Variants in IGF2BP3 observed in about 807,000 individuals in gnomAD.
The protein encoded by IGF2BP3 is insulin-like growth factor 2 mRNA-binding protein 3.
IGF2BP3 carries 9 observed loss-of-function variants against 73.8 expected under a neutral mutation model. The ratio of observed to expected loss-of-function variants is 0.12; its 90% CI spans 0.07 to 0.21. The LOEUF (loss-of-function observed/expected upper bound fraction) is 0.21. Ranked by LOEUF, IGF2BP3 falls within the 10% of genes least tolerant of loss-of-function variation. The probability of loss-of-function intolerance (pLI) is 1.00; values close to 1 mark genes in which losing one functional copy is unlikely to be tolerated. For missense variants in IGF2BP3, 542 were observed against 714.0 expected, an observed-to-expected ratio of 0.76 and a Z score of 2.75; for synonymous variants, 258 against 256.7, an observed-to-expected ratio of 1.01 and a Z score of -0.05.
At chr7:23,449,131 T>C (rs1015105235) in intron 2 of IGF2BP3, among the ~76,000 whole-genome samples, 5 of 146,934 alleles carry the variant, frequency 3.4e-5, no homozygotes, top group Admixed American at 2.7e-4. Context: ...TTTTTTTTTT[T>C]CCAAACTGAC....
intron 3 of IGF2BP3, among the ~76,000 whole-genome samples, chr7:23,376,297 C>A (rs1039921124): frequency 1.3e-5 from 2 of 152,094 alleles, no homozygotes; most frequent in Admixed American, 6.5e-5. Context: ...TGGCTCACGC[C>A]TGTAATCCCA....
chr7:23,422,138 T>A (rs950723423), intron 2 of IGF2BP3, among the ~76,000 whole-genome samples: 5 of 152,150 alleles, frequency 3.3e-5, no homozygotes, highest in African/African-American at 1.2e-4. Context: ...GTTAAGAAAC[T>A]AAGTATTCAC....
In IGF2BP3 at chr7:23,410,689, C is replaced by T. The variant is rs187537995; in HGVS notation, c.285+8087G>A. ...AACTTCCCCAATGAAATTCATTCAT[C>T]ACTCATAACCATACATTACGTCCAG... On this transcript the variant is annotated intron_variant, in intron 3 of 14. Coordinates refer to ENST00000258729, the MANE Select transcript of IGF2BP3 (RefSeq NM_006547.3). 3.0e-3 allele frequency among the ~76,000 whole-genome samples: 460 copies of T among 152,310 alleles called. 4 individuals carry two copies. Among genetic ancestry groups the T allele is most frequent in the Admixed American group, 4.6e-3 (70 of 15,304 alleles).
intron 10 of IGF2BP3, among the ~76,000 whole-genome samples, chr7:23,324,392 A>G (rs1204913018): frequency 1.3e-5 from 2 of 151,650 alleles, no homozygotes; most frequent in African/African-American, 4.9e-5. Context: ...ATCTCTGAAT[A>G]GACCAATAAC....
At chr7:23,440,569 GTAAGCTT>G (rs374570217) in intron 2 of IGF2BP3, among the ~76,000 whole-genome samples, 282 of 152,318 alleles carry the variant, frequency 1.9e-3, no homozygotes, top group African/African-American at 5.7e-3. Flanking sequence ...TTGGAAATGC[GTAAGCTT>G]TAAGAATGTG....
At chr7:23,369,373 T>G (rs986103237) in intron 3 of IGF2BP3, among the ~76,000 whole-genome samples, 1 of 152,164 alleles carries the variant, frequency 6.6e-6, no homozygotes, top group Non-Finnish European at 1.5e-5. Context: ...CATTGTAAGA[T>G]TCAATCAGAT....
chr7:23,355,140 A>G (rs1330625793), intron 5 of IGF2BP3, among the ~76,000 whole-genome samples: 1 of 152,242 alleles, frequency 6.6e-6, no homozygotes, highest in African/African-American at 2.4e-5. Flanking sequence ...ATTATTTGAC[A>G]CATATGTATT....
In IGF2BP3 at chr7:23,460,077, A is replaced by C. The variant is rs910862915; in HGVS notation, c.236+8405T>G. On this transcript the variant is annotated intron_variant, in intron 2 of 14. Coordinates refer to ENST00000258729, the MANE Select transcript of IGF2BP3 (RefSeq NM_006547.3). ...GACATCGTCTCTACTAAAAATTAAA[A>C]AAAAAATTAGCCAGACGAGGAGGCA... Among the ~76,000 whole-genome samples the C allele has an allele frequency of 6.2e-5, 9 of 144,684 alleles. No individual in the cohort carries two copies. The South Asian group carries it at 1.6e-3, about 25-fold the overall frequency. The allele number at this position is 144,684 out of a possible 152,430, so 94.9% of individuals were successfully genotyped here. A position where few individuals can be genotyped will look rare whatever the true frequency, so the allele number is the denominator to read the frequency against.
chr7:23,341,814 C>T (rs1224448547), intron 10 of IGF2BP3, among the ~76,000 whole-genome samples: 1 of 151,534 alleles, frequency 6.6e-6, no homozygotes, highest in Non-Finnish European at 1.5e-5. Context: ...AAAACAATTA[C>T]TAAGTTTCTT....
At chr7:23,443,098 AGT>A (rs1303749465) in intron 2 of IGF2BP3, among the ~76,000 whole-genome samples, 2 of 145,196 alleles carry the variant, frequency 1.4e-5, no homozygotes, top group East Asian at 4.1e-4. Flanking sequence ...TAAACATTAC[AGT>A]GATTTTTTTT....
At chr7:23,368,320 G>GAAA (rs1244266257) in intron 3 of IGF2BP3, among the ~76,000 whole-genome samples, 1 of 78,190 alleles carries the variant, frequency 1.3e-5, no homozygotes, top group African/African-American at 5.2e-5. Context: ...GAAAGAGAGA[G>GAAA]AGAAAGAAAA....
chr7:23,432,504 T>C (rs567663119), intron 2 of IGF2BP3, among the ~76,000 whole-genome samples: 1 of 152,196 alleles, frequency 6.6e-6, no homozygotes, highest in Admixed American at 6.5e-5. Context: ...CATCTTAATG[T>C]AGAATGTCAA....
chr7:23,449,583 G>C (rs1180937189), intron 2 of IGF2BP3, among the ~76,000 whole-genome samples: 3 of 121,930 alleles, frequency 2.5e-5, no homozygotes, highest in Non-Finnish European at 4.9e-5. Context: ...TTTTGAGAGA[G>C]TCTCACTCTG....
At position 23,410,923 on chromosome 7, in the gene IGF2BP3, T is replaced by C. The variant is rs371898264; in HGVS notation, c.285+7853A>G. ...ACCTCTCTGTACCACCACTGCCTTA[T>C]CTGTAAAGTGGGGACATGGGACTGC... On this transcript the variant is annotated intron_variant, in intron 3 of 14. Coordinates refer to ENST00000258729, the MANE Select transcript of IGF2BP3 (RefSeq NM_006547.3). Among the ~76,000 whole-genome samples the C allele has an allele frequency of 6.6e-5, 10 of 152,290 alleles. No individual in the cohort carries two copies. The South Asian group carries it at 1.9e-3, about 28-fold the overall frequency.
chr7:23,317,152 C>A (rs537786906), intron 12 of IGF2BP3, among the ~76,000 whole-genome samples: 1 of 152,156 alleles, frequency 6.6e-6, no homozygotes, highest in Non-Finnish European at 1.5e-5. Flanking sequence ...ATGGTTCATA[C>A]CAGAACAAAT....
At chr7:23,424,865 T>C (rs892219079) in intron 2 of IGF2BP3, among the ~76,000 whole-genome samples, 2 of 152,224 alleles carry the variant, frequency 1.3e-5, no homozygotes, top group Non-Finnish European at 2.9e-5. Flanking sequence ...AATGTTCAAA[T>C]TGTCACCAAT....
chr7:23,317,489 T>C, intron 12 of IGF2BP3, 150 bp downstream of exon 12: 1 of 629,206 alleles, frequency 1.6e-6, no homozygotes, highest in South Asian at 2.2e-5. Context: ...AATTTCGAAA[T>C]ATAATTTTGA....
intron 3 of IGF2BP3, among the ~76,000 whole-genome samples, chr7:23,375,883 G>A (rs115408240): frequency 3.0e-4 from 46 of 152,282 alleles, no homozygotes; most frequent in African/African-American, 1.1e-3. Flanking sequence ...GTGTGCAGCA[G>A]TTATCCTTCT....
intron 2 of IGF2BP3, among the ~76,000 whole-genome samples, chr7:23,465,528 C>CCA (rs1554338710): frequency 5.3e-5 from 8 of 152,112 alleles, no homozygotes; most frequent in South Asian, 4.2e-4. Flanking sequence ...AAGGGTCCCC[C>CCA]CCCAAGCTCC....
Sources: allele counts gnomAD v4.1 joint callset (sites outside exome capture counted in the v4.1 genomes callset), GRCh38; gene constraint gnomAD v4.1.1; transcripts MANE v1.5; gene names NCBI Gene and HGNC (gene_info 2026-07-23, HGNC 2026-07-21).